PINX1: variants seen among roughly 807,000 people sequenced by gnomAD.
The protein encoded by PINX1 is PIN2/TERF1-interacting telomerase inhibitor 1.
A neutral mutation model predicts 25.4 loss-of-function variants in PINX1; 34 were observed. That is an observed-to-expected ratio of 1.34 (90% CI 1.02 to 1.78). The LOEUF is 1.78. PINX1 is among the 40% of genes most tolerant of loss of function. The pLI, the probability that PINX1 is intolerant of heterozygous loss-of-function variation, is 0.00. For missense variants in PINX1, 592 were observed against 404.9 expected (o/e 1.46, Z -3.97); for synonymous variants, 197 against 147.7 (o/e 1.33, Z -2.42).
intron 6 of PINX1, among the ~76,000 whole-genome samples, chr8:10,809,812 T>C (rs1165571316): frequency 2.0e-5 from 3 of 152,268 alleles, no homozygotes; most frequent in Non-Finnish European, 2.9e-5. Flanking sequence ...ATCATTCTAA[T>C]TTTATGAATC....
intron 5 of PINX1, among the ~76,000 whole-genome samples, chr8:10,824,554 G>A (rs1315035899): frequency 1.3e-5 from 2 of 152,200 alleles, no homozygotes; most frequent in African/African-American, 2.4e-5. Flanking sequence ...GAGGCACTCA[G>A]CGGTCTCACA....
intron 6 of PINX1, among the ~76,000 whole-genome samples, chr8:10,797,921 G>A (rs551805218): frequency 2.0e-5 from 3 of 152,214 alleles, no homozygotes; most frequent in Non-Finnish European, 2.9e-5. Context: ...ATCTACCAAT[G>A]CATGCAGGTG....
Position 10,797,693 on chromosome 8 carries a change from C to T in PINX1, c.471+22500G>A, listed in dbSNP as rs147117738. Reference sequence around the variant, plus strand: ...TATTTCTAGCACTTCATCATCACAGCAAAAGATGCCTCAAACCACCTTTTC... The same window carrying T: ...TATTTCTAGCACTTCATCATCACAGTAAAAGATGCCTCAAACCACCTTTTC... On this transcript the variant is annotated intron_variant, in intron 6 of 6. Coordinates refer to ENST00000314787, the MANE Select transcript of PINX1 (RefSeq NM_017884.6). Among the ~76,000 whole-genome samples, 17 of 152,300 alleles carry T rather than the reference C, an allele frequency of 1.1e-4. No individual in the cohort carries two copies. In the East Asian group the frequency reaches 2.5e-3, roughly 22 times the overall value.
chr8:10,777,814 G>A (rs1376763348), intron 6 of PINX1, among the ~76,000 whole-genome samples: 1 of 152,140 alleles, frequency 6.6e-6, no homozygotes, highest in African/African-American at 2.4e-5. Flanking sequence ...TGTGCGACTG[G>A]CTCCTGGGCA....
chr8:10,825,069 A>G (rs1797994875), intron 5 of PINX1, among the ~76,000 whole-genome samples: 1 of 152,206 alleles, frequency 6.6e-6, no homozygotes, highest in South Asian at 2.1e-4. Context: ...AGGGAGGCCC[A>G]GCCTCTCCCT....
intron 5 of PINX1, among the ~76,000 whole-genome samples, chr8:10,823,166 A>C (rs754672607): frequency 2.0e-5 from 3 of 152,214 alleles, no homozygotes; most frequent in Non-Finnish European, 2.9e-5. Flanking sequence ...CCAGTGTGCA[A>C]CTGAGGGGCG....
intron 1 of PINX1, among the ~76,000 whole-genome samples, chr8:10,838,276 A>G (rs1287847288): frequency 6.6e-6 from 1 of 152,258 alleles, no homozygotes; most frequent in Non-Finnish European, 1.5e-5. Context: ...ATACCCATTT[A>G]GCAAATTACG....
intron 6 of PINX1, chr8:10,787,470 C>CTG: frequency 1.1e-5 from 2 of 178,478 alleles, no homozygotes; most frequent in Non-Finnish European, 2.4e-5. Context: ...CTCAAGCAAT[C>CTG]CCGCTTCAGC....
chr8:10,810,048 G>T lies in PINX1; in HGVS notation c.471+10145C>A, dbSNP rs573642621. On this transcript the variant is annotated intron_variant, in intron 6 of 6. Transcript: ENST00000314787. Reference sequence around the variant, plus strand: ...GCCAGATGGCAGGAGGAGGTGCCAGGCTCTTAAACAACCAGGTCTCGTGTG... The same window carrying T: ...GCCAGATGGCAGGAGGAGGTGCCAGTCTCTTAAACAACCAGGTCTCGTGTG... Among the ~76,000 whole-genome samples the T allele has an allele frequency of 6.6e-5, 10 of 152,320 alleles. No individual in the cohort carries two copies. The Middle Eastern group carries it at 0.017, about 259-fold the overall frequency.
At chr8:10,819,164 G>C (rs541917402) in intron 6 of PINX1, among the ~76,000 whole-genome samples, 1 of 152,296 alleles carries the variant, frequency 6.6e-6, no homozygotes, top group East Asian at 1.9e-4. Flanking sequence ...GGCAGACAGG[G>C]GCTAAAAGAC....
chr8:10,773,985 C>G (rs1026186072), intron 6 of PINX1, among the ~76,000 whole-genome samples: 1 of 152,230 alleles, frequency 6.6e-6, no homozygotes, highest in Non-Finnish European at 1.5e-5. Flanking sequence ...TGAATGATGT[C>G]TAAAAATAAT....
At chr8:10,839,179 C>A (rs1488604612) in intron 1 of PINX1, among the ~76,000 whole-genome samples, 1 of 152,184 alleles carries the variant, frequency 6.6e-6, no homozygotes, top group Non-Finnish European at 1.5e-5. Context: ...CAGGACGGGG[C>A]GCTGTGGCCA....
intron 4 of PINX1, among the ~76,000 whole-genome samples, chr8:10,829,041 A>C (rs1798141499): frequency 6.6e-6 from 1 of 152,128 alleles, no homozygotes; most frequent in African/African-American, 2.4e-5. Flanking sequence ...TAACCCCAGC[A>C]CCTTGAGAGG....
intron 6 of PINX1, among the ~76,000 whole-genome samples, chr8:10,813,261 G>A (rs1181253031): frequency 1.3e-5 from 2 of 151,988 alleles, no homozygotes; most frequent in South Asian, 4.2e-4. Context: ...GCAGGAAGGG[G>A]GATCCACCTC....
At chr8:10,785,253 C>T (rs563627527) in intron 6 of PINX1, among the ~76,000 whole-genome samples, 7 of 152,192 alleles carry the variant, frequency 4.6e-5, no homozygotes, top group Non-Finnish European at 7.3e-5. Flanking sequence ...GGAAATCCTA[C>T]TAACTTCAAG....
chr8:10,766,486 G>A (rs753569238), intron 6 of PINX1, among the ~76,000 whole-genome samples: 2 of 152,238 alleles, frequency 1.3e-5, no homozygotes, highest in Non-Finnish European at 2.9e-5. Flanking sequence ...CCCAAAGGTG[G>A]AGCGTGGCCG....
At chr8:10,809,814 T>G (rs1802570106) in intron 6 of PINX1, among the ~76,000 whole-genome samples, 1 of 152,240 alleles carries the variant, frequency 6.6e-6, no homozygotes. Flanking sequence ...CATTCTAATT[T>G]TATGAATCTT....
intron 6 of PINX1, among the ~76,000 whole-genome samples, chr8:10,816,824 T>C (rs1289038998): frequency 8.6e-6 from 1 of 115,834 alleles, no homozygotes; most frequent in East Asian, 2.1e-4. Flanking sequence ...ATTTTGGAAT[T>C]GGACGGACAC....
intron 1 of PINX1, 166 bp downstream of exon 1, chr8:10,839,572 T>C: frequency 3.0e-6 from 2 of 675,416 alleles, no homozygotes; most frequent in Non-Finnish European, 5.0e-6. Flanking sequence ...TTCGGGGAGC[T>C]CTGCGGCGAG....
Sources: gnomAD v4.1 joint callset for allele counts (sites outside exome capture counted in the v4.1 genomes callset) on GRCh38, gnomAD v4.1.1 for gene constraint, MANE v1.5 for transcripts, NCBI Gene and HGNC (gene_info 2026-07-23, HGNC 2026-07-21) for gene names.